The following MTHFS variants were observed in gnomAD, a reference collection of about 807,000 sequenced individuals.
The protein encoded by MTHFS is 5-formyltetrahydrofolate cyclo-ligase.
Under a neutral mutation model 12.7 loss-of-function variants are expected in MTHFS, and 7 were observed. The observed-to-expected ratio is 0.55, with a 90% CI of 0.31 to 1.03. The LOEUF is 1.03. Ranked by LOEUF, MTHFS falls within the 50% of genes least tolerant of loss-of-function variation. The pLI, the probability that MTHFS is intolerant of heterozygous loss-of-function variation, is 0.05. For synonymous variants in MTHFS, 100 were observed against 97.1 expected, an observed-to-expected ratio of 1.03 and a Z score of -0.18; for missense variants, 252 against 258.1, an observed-to-expected ratio of 0.98 and a Z score of 0.16.
chr15:79,884,502 A>G (rs2034349337), intron 2 of MTHFS, among the ~76,000 whole-genome samples: 1 of 152,258 alleles, frequency 6.6e-6, no homozygotes. Context: ...TAATATGGCC[A>G]GGAAACCAAT....
intron 2 of MTHFS, among the ~76,000 whole-genome samples, chr15:79,882,801 C>G (rs192449744): frequency 1.3e-5 from 2 of 152,368 alleles, no homozygotes; most frequent in African/African-American, 2.4e-5. Flanking sequence ...CACATTATCA[C>G]AACTCTATGG....
intron 2 of MTHFS, among the ~76,000 whole-genome samples, chr15:79,865,475 G>A (rs149635011): frequency 2.0e-5 from 3 of 152,342 alleles, no homozygotes; most frequent in East Asian, 3.9e-4. Context: ...GGGAAGAGCC[G>A]GAAGGAAACC....
intron 2 of MTHFS, among the ~76,000 whole-genome samples, chr15:79,875,618 A>C (rs910620376): frequency 1.3e-5 from 2 of 152,120 alleles, no homozygotes; most frequent in African/African-American, 4.8e-5. Flanking sequence ...AAAACAATAA[A>C]ACTCTTAGAA....
intron 2 of MTHFS, among the ~76,000 whole-genome samples, chr15:79,846,410 T>C (rs543860385): frequency 5.8e-4 from 89 of 152,300 alleles, no homozygotes; most frequent in South Asian, 2.9e-3. Context: ...GGAATAACCA[T>C]TCATATAGCA....
intron 2 of MTHFS, among the ~76,000 whole-genome samples, chr15:79,852,562 G>A (rs535787146): frequency 6.6e-5 from 10 of 152,234 alleles, no homozygotes; most frequent in Non-Finnish European, 1.2e-4. Flanking sequence ...CAAACACACC[G>A]TAGTGAGAAT....
chr15:79,848,838 T>C (rs891583564), intron 2 of MTHFS, among the ~76,000 whole-genome samples: 1 of 152,130 alleles, frequency 6.6e-6, no homozygotes, highest in African/African-American at 2.4e-5. Context: ...CCATAATTTT[T>C]CCAATTCCTC....
In MTHFS at chr15:79,857,628, T is replaced by C. The variant is rs116303764; in HGVS notation, c.380-12186A>G. Among the ~76,000 whole-genome samples, 662 of 152,304 alleles carry C rather than the reference T, an allele frequency of 4.3e-3. 7 individuals carry two copies. Among genetic ancestry groups the C allele is most frequent in the African/African-American group, 0.015 (636 of 41,566 alleles). On this transcript the variant is annotated intron_variant, in intron 2 of 2. Coordinates refer to ENST00000258874, the MANE Select transcript of MTHFS (RefSeq NM_006441.4). ...ATAATAGTACATGGATTTTATATAA[T>C]GTGCTTTTCCAGTTAGTTCCAAGTG...
chr15:79,873,948 C>T (rs758799347), intron 2 of MTHFS, among the ~76,000 whole-genome samples: 1 of 152,216 alleles, frequency 6.6e-6, no homozygotes, highest in Non-Finnish European at 1.5e-5. Flanking sequence ...ACATACCTGG[C>T]TGACTAGAAA....
intron 2 of MTHFS, among the ~76,000 whole-genome samples, chr15:79,854,564 T>C (rs890283608): frequency 1.2e-4 from 18 of 152,204 alleles, no homozygotes; most frequent in Admixed American, 2.6e-4. Flanking sequence ...GACCAAAATA[T>C]GGTTATTATC....
intron 2 of MTHFS, among the ~76,000 whole-genome samples, chr15:79,850,785 G>GA (rs1432359913): frequency 6.6e-6 from 1 of 151,994 alleles, no homozygotes; most frequent in African/African-American, 2.4e-5. Flanking sequence ...CGTTGACCAG[G>GA]AAAAAAGCCT....
intron 2 of MTHFS, among the ~76,000 whole-genome samples, chr15:79,873,415 G>A (rs561680800): frequency 6.6e-6 from 1 of 152,270 alleles, no homozygotes; most frequent in South Asian, 2.1e-4. Context: ...GTTTCTGGCA[G>A]GTAGTAAGTA....
At position 79,885,254 on chromosome 15, in the gene MTHFS, T is replaced by G. The variant is rs79917992; in HGVS notation, c.379+3839A>C. 4.0e-3 allele frequency among the ~76,000 whole-genome samples: 606 copies of G among 152,332 alleles called. 2 individuals are homozygous for G. Among genetic ancestry groups the G allele is most frequent in the South Asian group, 8.3e-3 (40 of 4,828 alleles). Reference sequence around the variant, plus strand: ...CTCAATTACTTTAAAATGTTTTATTTGAGGACTAGAAAGTCTTCGTTGTGA... The same window carrying G: ...CTCAATTACTTTAAAATGTTTTATTGGAGGACTAGAAAGTCTTCGTTGTGA... On this transcript the variant is annotated intron_variant, in intron 2 of 2. Coordinates refer to ENST00000258874, the MANE Select transcript of MTHFS (RefSeq NM_006441.4).
chr15:79,857,359 G>A (rs938115080), intron 2 of MTHFS, among the ~76,000 whole-genome samples: 11 of 152,036 alleles, frequency 7.2e-5, no homozygotes, highest in Non-Finnish European at 1.6e-4. Flanking sequence ...TTAGTAAAAT[G>A]GAAACTTCTT....
chr15:79,846,783 G>C (rs2033622765), intron 2 of MTHFS, among the ~76,000 whole-genome samples: 1 of 152,144 alleles, frequency 6.6e-6, no homozygotes, highest in South Asian at 2.1e-4. Flanking sequence ...TGTGAATTTG[G>C]ACTTTACTCC....
At chr15:79,895,473 T>C (rs954464955) in intron 1 of MTHFS, among the ~76,000 whole-genome samples, 2 of 152,208 alleles carry the variant, frequency 1.3e-5, no homozygotes, top group Non-Finnish European at 1.5e-5. Context: ...AGAGCAACAA[T>C]CATATCTTTT....
At chr15:79,872,103 CAAAAAA>C (rs58835744) in intron 2 of MTHFS, among the ~76,000 whole-genome samples, 4,657 of 66,696 alleles carry the variant, frequency 0.07, 213 homozygotes, top group East Asian at 0.31. Context: ...GACTCCGTCT[CAAAAAA>C]AAAAAAAAAA....
chr15:79,859,840 C>T (rs972713515), intron 2 of MTHFS, among the ~76,000 whole-genome samples: 3 of 146,272 alleles, frequency 2.1e-5, no homozygotes, highest in Non-Finnish European at 3.0e-5. Context: ...AAAAAAAAAC[C>T]CTTATTTTCT....
intron 2 of MTHFS, among the ~76,000 whole-genome samples, chr15:79,858,967 G>A (rs912804721): frequency 7.9e-5 from 12 of 152,180 alleles, no homozygotes; most frequent in Middle Eastern, 3.4e-3. Flanking sequence ...CTATTTGTAA[G>A]AACAACAAAT....
At chr15:79,845,821 C>T (rs990604688) in intron 2 of MTHFS, among the ~76,000 whole-genome samples, 2 of 152,046 alleles carry the variant, frequency 1.3e-5, no homozygotes, top group African/African-American at 2.4e-5. Context: ...AGTTGGAGGG[C>T]GGGAAACAGT....
Sources: allele counts gnomAD v4.1 joint callset (sites outside exome capture counted in the v4.1 genomes callset), GRCh38; gene constraint gnomAD v4.1.1; transcripts MANE v1.5; gene names NCBI Gene and HGNC (gene_info 2026-07-23, HGNC 2026-07-21).